Variants in CHCHD3 observed in about 807,000 individuals in gnomAD.
CHCHD3 encodes the protein MICOS complex subunit MIC19.
CHCHD3 carries 20 observed loss-of-function variants against 38.2 expected under a neutral mutation model. The observed-to-expected ratio is 0.52, with a 90% CI of 0.37 to 0.76. The LOEUF is 0.76. Ranked by LOEUF, CHCHD3 falls within the 30% of genes least tolerant of loss-of-function variation. CHCHD3 has a pLI of 0.00. For missense variants in CHCHD3, 245 were observed against 279.2 expected (o/e 0.88, Z 0.87); for synonymous variants, 82 against 100.0 (o/e 0.82, Z 1.07).
At position 132,834,700 on chromosome 7, in the gene CHCHD3, G is replaced by T. The variant is rs557626741; in HGVS notation, c.524+3699C>A. 1.7e-3 allele frequency among the ~76,000 whole-genome samples: 265 copies of T among 152,228 alleles called. 2 individuals are homozygous for T. The highest frequency in any genetic ancestry group is 6.2e-3 in the African/African-American group (256 of 41,526). Reference sequence around the variant, plus strand: ...GAGATGCATAGGACTGAGCCTGGGGGTTTCCAAATGCAAAGCTTCCAATGT... The same window carrying T: ...GAGATGCATAGGACTGAGCCTGGGGTTTTCCAAATGCAAAGCTTCCAATGT... On this transcript the variant is annotated intron_variant, in intron 6 of 7. Coordinates refer to ENST00000262570, the MANE Select transcript of CHCHD3 (RefSeq NM_017812.4).
intron 4 of CHCHD3, among the ~76,000 whole-genome samples, chr7:132,931,478 T>G (rs968144398): frequency 6.6e-6 from 1 of 152,244 alleles, no homozygotes; most frequent in African/African-American, 2.4e-5. Context: ...TGGTAACAGC[T>G]GATCTCGTTA....
chr7:132,824,404 C>T lies in CHCHD3; in HGVS notation c.524+13995G>A, dbSNP rs140468286. 2.6e-3 allele frequency among the ~76,000 whole-genome samples: 379 copies of T among 144,074 alleles called. 6 individuals carry two copies. In the East Asian group the frequency reaches 0.04, roughly 15 times the overall value. 94.5% of individuals were successfully genotyped at this position (144,074 alleles called of 152,430 possible). On this transcript the variant is annotated intron_variant, in intron 6 of 7. Transcript: ENST00000262570. ...CATGATCTCGGCTCACTGCAAGCTA[C>T]GCCTCCTGGGTTCACGCCATTCTCC...
chr7:132,897,622 T>G (rs1311209018), intron 4 of CHCHD3, among the ~76,000 whole-genome samples: 1 of 152,210 alleles, frequency 6.6e-6, no homozygotes, highest in African/African-American at 2.4e-5. Context: ...CTTTATTTCT[T>G]CTCATGCTGG....
chr7:132,932,294 A>C (rs1433350756), intron 4 of CHCHD3, among the ~76,000 whole-genome samples: 1 of 152,182 alleles, frequency 6.6e-6, no homozygotes, highest in Non-Finnish European at 1.5e-5. Context: ...AGCAATGAAC[A>C]CTAGAACTCA....
intron 4 of CHCHD3, among the ~76,000 whole-genome samples, chr7:132,901,685 G>C (rs1195033404): frequency 6.6e-6 from 1 of 152,132 alleles, no homozygotes; most frequent in Non-Finnish European, 1.5e-5. Context: ...TTGTAAATTT[G>C]TTTGAGTTCA....
chr7:133,079,421 T>C (rs976356556), intron 1 of CHCHD3, among the ~76,000 whole-genome samples: 3 of 152,186 alleles, frequency 2.0e-5, no homozygotes, highest in African/African-American at 7.2e-5. Flanking sequence ...TCTGCTTGGT[T>C]CCAAGGCACA....
At chr7:132,962,194 T>G (rs1811336475) in intron 4 of CHCHD3, among the ~76,000 whole-genome samples, 1 of 152,230 alleles carries the variant, frequency 6.6e-6, no homozygotes, top group African/African-American at 2.4e-5. Context: ...CTTTCAACTT[T>G]AACAGTTTTT....
In CHCHD3 at chr7:132,788,129, T is replaced by C. The variant is rs1563235141; in HGVS notation, c.661-2469A>G. ...ATCTGTGTGAGCCTCTCCAATCACA[T>C]AGATGATAAGTTCTATAAATTCCAG... On this transcript the variant is annotated intron_variant, in intron 7 of 7. Coordinates refer to ENST00000262570, the MANE Select transcript of CHCHD3 (RefSeq NM_017812.4). This position sits in a 1 kb window ranked among gnomAD's most constrained non-coding sequence, Gnocchi z 4.0. Among the ~76,000 whole-genome samples the C allele has an allele frequency of 1.3e-5, 2 of 152,164 alleles. No individual in the cohort carries two copies. The highest frequency in any genetic ancestry group is 2.9e-5 in the Non-Finnish European group (2 of 68,036).
At chr7:132,925,721 A>G (rs1810361207) in intron 4 of CHCHD3, among the ~76,000 whole-genome samples, 1 of 152,216 alleles carries the variant, frequency 6.6e-6, no homozygotes, top group Non-Finnish European at 1.5e-5. Flanking sequence ...CTAGAAAAAG[A>G]GAGGAATACC....
chr7:132,905,777 T>A (rs1415097593), intron 4 of CHCHD3, among the ~76,000 whole-genome samples: 2 of 152,228 alleles, frequency 1.3e-5, no homozygotes, highest in Non-Finnish European at 2.9e-5. Flanking sequence ...GGGCTGATCA[T>A]CTGCAGAGCT....
intron 4 of CHCHD3, among the ~76,000 whole-genome samples, chr7:132,966,562 CAT>C (rs755428159): frequency 1.1e-4 from 16 of 152,192 alleles, no homozygotes; most frequent in Non-Finnish European, 1.8e-4. Context: ...TGGTATATCA[CAT>C]AGTTTATCAC....
At chr7:132,982,771 C>CA (rs1811951500) in intron 3 of CHCHD3, among the ~76,000 whole-genome samples, 1 of 152,014 alleles carries the variant, frequency 6.6e-6, no homozygotes, top group African/African-American at 2.4e-5. Context: ...AAATTGAGGC[C>CA]TACAGAACTT....
intron 3 of CHCHD3, among the ~76,000 whole-genome samples, chr7:132,985,386 GC>G (rs1315679838): frequency 3.9e-5 from 3 of 77,670 alleles, no homozygotes; most frequent in Non-Finnish European, 5.4e-5. Flanking sequence ...GGGGGGGTCA[GC>G]CCCCCGCCCG....
At chr7:133,024,315 C>A (rs946394807) in intron 3 of CHCHD3, among the ~76,000 whole-genome samples, 1 of 152,176 alleles carries the variant, frequency 6.6e-6, no homozygotes, top group African/African-American at 2.4e-5. Flanking sequence ...AATATTCAAG[C>A]AACCAATACA....
At chr7:132,916,049 T>C (rs1176865331) in intron 4 of CHCHD3, among the ~76,000 whole-genome samples, 1 of 152,076 alleles carries the variant, frequency 6.6e-6, no homozygotes, top group Non-Finnish European at 1.5e-5. Flanking sequence ...CAAACGACTA[T>C]GCCTCCCCAC....
intron 5 of CHCHD3, among the ~76,000 whole-genome samples, chr7:132,862,177 G>C (rs1808512230): frequency 2.0e-5 from 3 of 151,908 alleles, no homozygotes; most frequent in Admixed American, 1.3e-4. Flanking sequence ...AGGCAAGGGA[G>C]GGGAGGGAAA....
intron 4 of CHCHD3, among the ~76,000 whole-genome samples, chr7:132,933,246 T>A (rs1810557695): frequency 6.6e-6 from 1 of 152,172 alleles, no homozygotes; most frequent in South Asian, 2.1e-4. Flanking sequence ...CTAATGGTAA[T>A]CTCATTATGG....
intron 3 of CHCHD3, among the ~76,000 whole-genome samples, chr7:133,014,576 C>G (rs1163779430): frequency 6.6e-6 from 1 of 150,610 alleles, no homozygotes; most frequent in African/African-American, 2.4e-5. Flanking sequence ...ATACAAAAGG[C>G]AAATAAATAC....
intron 2 of CHCHD3, among the ~76,000 whole-genome samples, chr7:133,055,313 ATATAT>A (rs1210585048): frequency 5.5e-4 from 81 of 145,976 alleles, no homozygotes; most frequent in African/African-American, 1.9e-3. Flanking sequence ...AATTAGTTGA[ATATAT>A]TATATATAAT....
Sources: gnomAD v4.1 joint callset for allele counts (sites outside exome capture counted in the v4.1 genomes callset) on GRCh38, gnomAD v4.1.1 for gene constraint, Gnocchi (gnomAD v3.1) non-coding constraint, MANE v1.5 for transcripts, NCBI Gene and HGNC (gene_info 2026-07-23, HGNC 2026-07-21) for gene names.